DIP2C: variants seen among roughly 807,000 people sequenced by gnomAD.
DIP2C encodes disco-interacting protein 2 homolog C.
DIP2C carries 33 observed loss-of-function variants against 192.4 expected under a neutral mutation model. The ratio of observed to expected loss-of-function variants is 0.17; its 90% CI spans 0.13 to 0.23. The LOEUF is 0.23. Ranked by LOEUF, DIP2C falls within the 10% of genes least tolerant of loss-of-function variation. The pLI is 1.00. For synonymous variants in DIP2C, 979 were observed against 864.1 expected (o/e 1.13, Z -2.33); for missense variants, 1,537 against 2,110.1 (o/e 0.73, Z 5.32).
intron 32 of DIP2C, among the ~76,000 whole-genome samples, chr10:307,374 T>C (rs1956370930): frequency 6.6e-6 from 1 of 152,048 alleles, no homozygotes; most frequent in Admixed American, 6.5e-5. Context: ...CTGGTAAAGG[T>C]TGAAAGTGAT....
chr10:321,450 C>T (rs1008856888), intron 31 of DIP2C, among the ~76,000 whole-genome samples: 2 of 152,266 alleles, frequency 1.3e-5, no homozygotes, highest in Non-Finnish European at 2.9e-5. Context: ...GCTGAGTTTG[C>T]TCCCTATCTC....
chr10:645,628 A>G lies in DIP2C; in HGVS notation c.85+43866T>C, dbSNP rs75481146. ...TGTTGTCTAAATTTTCCAGAATGAA[A>G]AAATACTCTTTTTAACAAGAAAGGT... On this transcript the variant is annotated intron_variant, in intron 1 of 36. Transcript: ENST00000280886. Among the ~76,000 whole-genome samples the G allele has an allele frequency of 4.8e-3, 724 of 152,338 alleles. 7 individuals are homozygous for G. Among genetic ancestry groups the G allele is most frequent in the African/African-American group, 0.016 (669 of 41,564 alleles).
chr10:425,487 C>T (rs1004224505), intron 4 of DIP2C, among the ~76,000 whole-genome samples: 3 of 135,678 alleles, frequency 2.2e-5, no homozygotes, highest in Admixed American at 1.5e-4. Flanking sequence ...GAAATGGATA[C>T]AGCATGACCA....
intron 4 of DIP2C, chr10:437,851 T>C (rs954680580): frequency 6.6e-6 from 1 of 152,208 alleles, no homozygotes; most frequent in Non-Finnish European, 1.5e-5. Context: ...TTTAAGAATA[T>C]TCTCTGAAGA....
intron 9 of DIP2C, among the ~76,000 whole-genome samples, chr10:408,660 A>C (rs145536646): frequency 2.2e-3 from 338 of 152,358 alleles, no homozygotes; most frequent in African/African-American, 7.8e-3. Flanking sequence ...TAAATGCAAG[A>C]AAACCAGCTT....
intron 1 of DIP2C, among the ~76,000 whole-genome samples, chr10:496,419 T>TC (rs1471675819): frequency 6.7e-6 from 1 of 149,082 alleles, no homozygotes; most frequent in African/African-American, 2.5e-5. Context: ...CACGGTGCCC[T>TC]CCCGTGTACT....
intron 1 of DIP2C, among the ~76,000 whole-genome samples, chr10:562,210 A>C (rs556620316): frequency 6.6e-5 from 10 of 152,356 alleles, no homozygotes; most frequent in Non-Finnish European, 1.2e-4. Context: ...TCTGATGTTT[A>C]ACACACACAG....
At chr10:610,935 A>AC (rs1208032922) in intron 1 of DIP2C, among the ~76,000 whole-genome samples, 4 of 145,730 alleles carry the variant, frequency 2.7e-5, no homozygotes, top group East Asian at 4.0e-4. Context: ...GTGGTTTCTA[A>AC]CCCCCCCGTG....
At chr10:504,437 A>G (rs1845447474) in intron 1 of DIP2C, among the ~76,000 whole-genome samples, 1 of 152,186 alleles carries the variant, frequency 6.6e-6, no homozygotes, top group Non-Finnish European at 1.5e-5. Context: ...CCAGCACACA[A>G]TGTTGCCGTC....
chr10:611,201 ACTCT>A (rs34689855), intron 1 of DIP2C, among the ~76,000 whole-genome samples: 39 of 151,790 alleles, frequency 2.6e-4, no homozygotes, highest in Admixed American at 1.6e-3. Context: ...CTTCCCCTTC[ACTCT>A]CTCTTTCCGG....
intron 1 of DIP2C, among the ~76,000 whole-genome samples, chr10:551,237 C>A (rs575294977): frequency 3.9e-5 from 6 of 152,338 alleles, no homozygotes; most frequent in Admixed American, 2.6e-4. Flanking sequence ...TTCTCAACAT[C>A]GTCCACGTAC....
chr10:616,757 G>A (rs558294952), intron 1 of DIP2C, among the ~76,000 whole-genome samples: 2 of 152,232 alleles, frequency 1.3e-5, no homozygotes, highest in East Asian at 1.9e-4. Context: ...GGCCAGGCAA[G>A]CATAGAGAGT....
intron 3 of DIP2C, among the ~76,000 whole-genome samples, chr10:465,753 CAGAG>C (rs1175407252): frequency 4.0e-5 from 6 of 151,562 alleles, no homozygotes; most frequent in Non-Finnish European, 8.8e-5. Context: ...AGCAGACAAA[CAGAG>C]AGCCAAATCA....
At chr10:678,651 C>T (rs1424771640) in intron 1 of DIP2C, among the ~76,000 whole-genome samples, 2 of 32,304 alleles carry the variant, frequency 6.2e-5, no homozygotes, top group Non-Finnish European at 1.2e-4. Flanking sequence ...GCTCCCCGCA[C>T]CTGTCCTCCC....
intron 13 of DIP2C, among the ~76,000 whole-genome samples, chr10:389,305 G>C (rs964201622): frequency 5.3e-5 from 8 of 152,008 alleles, no homozygotes; most frequent in Non-Finnish European, 1.2e-4. Context: ...GCCACCAATG[G>C]GGGGAGTCTC....
At chr10:414,756 T>TATATATATATAA (rs1435691808) in intron 7 of DIP2C, among the ~76,000 whole-genome samples, 4 of 132,766 alleles carry the variant, frequency 3.0e-5, no homozygotes, top group Admixed American at 7.7e-5. Context: ...TATATATATA[T>TATATATATATAA]AATGTGTATA....
At chr10:303,417 C>T (rs1275729691) in intron 32 of DIP2C, among the ~76,000 whole-genome samples, 1 of 152,146 alleles carries the variant, frequency 6.6e-6, no homozygotes, top group Non-Finnish European at 1.5e-5. Context: ...GTTGTAAATT[C>T]CTTAAAGCTT....
chr10:606,286 G>T (rs770129083), intron 1 of DIP2C, among the ~76,000 whole-genome samples: 1 of 152,068 alleles, frequency 6.6e-6, no homozygotes, highest in Non-Finnish European at 1.5e-5. Context: ...GTCCGAGGGG[G>T]AAGACACCAG....
At chr10:430,158 A>G in intron 4 of DIP2C, 1 of 152,332 alleles carries the variant, frequency 6.6e-6, no homozygotes, top group South Asian at 2.1e-4. Flanking sequence ...GCGTCATTTC[A>G]TATGTCGATT....
Sources: gnomAD v4.1 joint callset for allele counts (sites outside exome capture counted in the v4.1 genomes callset) on GRCh38, gnomAD v4.1.1 for gene constraint, MANE v1.5 for transcripts, NCBI Gene and HGNC (gene_info 2026-07-23, HGNC 2026-07-21) for gene names.